The following APMAP variants were observed in gnomAD, a reference collection of about 807,000 sequenced individuals.
The protein encoded by APMAP is adipocyte plasma membrane-associated protein.
APMAP carries 33 observed loss-of-function variants against 43.6 expected under a neutral mutation model. That is an observed-to-expected ratio of 0.76 (90% CI 0.57 to 1.01). The LOEUF (loss-of-function observed/expected upper bound fraction) is 1.01. APMAP is among the 50% of genes least tolerant of loss of function. The pLI is 0.00. For synonymous variants in APMAP, 224 were observed against 216.7 expected (o/e 1.03, Z -0.30); for missense variants, 498 against 540.7 (o/e 0.92, Z 0.78).
chr20:24,968,844 T>G, intron 8 of APMAP, 48 bp downstream of exon 8: 1 of 1,522,286 alleles, frequency 6.6e-7, no homozygotes. Flanking sequence ...AAAATATGAT[T>G]CAATTCATTT....
Position 24,971,671 on chromosome 20 carries a change from A to G in APMAP, c.422-95T>C, listed in dbSNP as rs193275354. 2.0e-5 allele frequency: 20 copies of G among 1,012,472 alleles called. No homozygotes were observed. In the East Asian group the frequency reaches 4.3e-4, roughly 22 times the overall value. 62.7% of individuals were successfully genotyped at this position (1,012,472 alleles called of 1,614,324 possible). On this transcript the variant is annotated intron_variant, in intron 4 of 8. Transcript: ENST00000217456. Reference sequence around the variant, plus strand: ...GCATCTCATCCATCCCTTCCCATACATCATGCTGTACAGAACAAGACAAGA... The same window carrying G: ...GCATCTCATCCATCCCTTCCCATACGTCATGCTGTACAGAACAAGACAAGA...
intron 1 of APMAP, among the ~76,000 whole-genome samples, chr20:24,984,710 G>A (rs1199684582): frequency 6.6e-6 from 1 of 152,156 alleles, no homozygotes; most frequent in Non-Finnish European, 1.5e-5. Flanking sequence ...AGCTTCCCTG[G>A]GAATCCTGGG....
chr20:24,969,478 T>C (rs779703247), intron 7 of APMAP, 48 bp downstream of exon 7: 4 of 1,558,654 alleles, frequency 2.6e-6, no homozygotes, highest in Admixed American at 1.8e-5. Context: ...ACCCCGGCCA[T>C]GATGCGCTCT....
chr20:24,987,710 A>T (rs2088160098), intron 1 of APMAP, among the ~76,000 whole-genome samples: 1 of 152,216 alleles, frequency 6.6e-6, no homozygotes, highest in African/African-American at 2.4e-5. Flanking sequence ...ACTGGCCATT[A>T]TACTAAAAAT....
At chr20:24,976,528 C>T (rs2387572) in intron 3 of APMAP, among the ~76,000 whole-genome samples, 73,908 of 152,012 alleles carry the variant, frequency 0.49, 19,343 homozygotes, top group East Asian at 0.92. Context: ...AAATCCAAAA[C>T]ACTGACACCA....
rs2088204700 is a variant in APMAP, at chr20:24,992,647, C to T, written c.42G>A (p.Arg14=). 6.4e-7 allele frequency: 1 copy of T among 1,564,486 alleles called. No homozygotes were observed. The highest frequency in any genetic ancestry group is 8.6e-7 in the Non-Finnish European group (1 of 1,157,080). ...CATCATCGTCTGTGACGACCTGCGGCCGCAGGGGCCGGCGCTGTCGCAGCC... is the reference window on the plus strand; with the variant it reads ...CATCATCGTCTGTGACGACCTGCGGTCGCAGGGGCCGGCGCTGTCGCAGCC... ...ADGLRQRRPL[R]PQVVTDDDGQ... is the part of the protein sequence containing the mutation. The change falls in exon 1 of 9, where the codon CGG becomes CGA. Residue 14 remains arginine (R), a synonymous_variant. Transcript: ENST00000217456.
At position 24,974,898 on chromosome 20, in the gene APMAP, G is replaced by C. The variant is rs376578847; in HGVS notation, c.329-1161C>G. On this transcript the variant is annotated intron_variant, in intron 3 of 8. Transcript: ENST00000217456. ...AACAGAATCCACTATCACAGTTAGA[G>C]ACTTCAACAATCTAAACAAGAATAA... Among the ~76,000 whole-genome samples, 80 of 152,244 alleles carry C rather than the reference G, an allele frequency of 5.3e-4. 2 individuals carry two copies. The South Asian group carries it at 0.016, about 30-fold the overall frequency.
chr20:24,973,583 A>T (rs2088024104), intron 4 of APMAP, 62 bp downstream of exon 4: 1 of 1,516,996 alleles, frequency 6.6e-7, no homozygotes, highest in African/African-American at 1.4e-5. Flanking sequence ...AGTTCCACAC[A>T]ACGATCCAAC....
chr20:24,971,364 A>T, intron 5 of APMAP, 96 bp downstream of exon 5: 2 of 1,090,792 alleles, frequency 1.8e-6, no homozygotes, highest in African/African-American at 1.6e-5. Context: ...AGTCTTTAGT[A>T]GACTGTTGCT....
chr20:24,974,750 G>A (rs981706051), intron 3 of APMAP, among the ~76,000 whole-genome samples: 6 of 152,216 alleles, frequency 3.9e-5, no homozygotes, highest in Admixed American at 2.6e-4. Context: ...CAGGGATAAA[G>A]AGGAGCATCA....
In APMAP at chr20:24,969,227, G is replaced by A. The variant is rs781144041; in HGVS notation, c.849-143C>T. The A allele has an allele frequency of 2.6e-4, 249 of 972,398 alleles. 1 individual carries two copies. Among genetic ancestry groups the A allele is most frequent in the Admixed American group, 1.4e-3 (46 of 32,118 alleles). The allele number at this position is 972,398 out of a possible 1,614,324, so 60.2% of individuals were successfully genotyped here. A position where few individuals can be genotyped will look rare whatever the true frequency, so the allele number is the denominator to read the frequency against. On this transcript the variant is annotated intron_variant, in intron 7 of 8. Transcript: ENST00000217456. Reference sequence around the variant, plus strand: ...CATCATGAACAAAGGCTCAGCTGCTGAGAAGAAACCTTTGTGCACAGGGCC... The same window carrying A: ...CATCATGAACAAAGGCTCAGCTGCTAAGAAGAAACCTTTGTGCACAGGGCC...
chr20:24,992,127 T>A (rs906784903), intron 1 of APMAP, among the ~76,000 whole-genome samples: 2 of 152,190 alleles, frequency 1.3e-5, no homozygotes, highest in Non-Finnish European at 2.9e-5. Flanking sequence ...GACCCCAGCA[T>A]CTCGTGGGAC....
In APMAP at chr20:24,970,334, A is replaced by G. The variant is rs750005806; in HGVS notation, c.576T>C (p.Ile192=). The change falls in exon 6 of 9, where the codon ATT becomes ATC. Residue 192 remains isoleucine, a synonymous_variant. Transcript: ENST00000217456. ...TCACAAAGGACATGTTCTTCCCCTC[A>G]ATGGGTGTCTCGGAGGACAGCAGCA... ...VKLLLSSETP[I]EGKNMSFVND... is the part of the protein sequence containing the mutation. 2 of 1,613,320 alleles carry G rather than the reference A, an allele frequency of 1.2e-6. No individual in the cohort carries two copies. Among genetic ancestry groups the G allele is most frequent in the Admixed American group, 3.3e-5 (2 of 59,930 alleles).
At chr20:24,986,579 T>C (rs113136783) in intron 1 of APMAP, among the ~76,000 whole-genome samples, 2,646 of 152,286 alleles carry the variant, frequency 0.017, 33 homozygotes, top group Non-Finnish European at 0.023. Flanking sequence ...CGACCTGACA[T>C]GACGGCAGGC....
Position 24,962,942 on chromosome 20 carries a change from A to G in APMAP, c.*871T>C, listed in dbSNP as rs1418764023. The stretch of plus-strand genomic sequence containing the variant: ...CCATCAAAAAAGGTTAATCAGCAGA[A>G]GTCGATTTATCGTTATTTATTATCA... On this transcript the variant is annotated 3_prime_UTR_variant, in exon 9 of 9. Transcript: ENST00000217456. 1.3e-5 allele frequency: 2 copies of G among 152,248 alleles called. No homozygotes were observed. The highest frequency in any genetic ancestry group is 2.9e-5 in the Non-Finnish European group (2 of 68,034). 9.4% of individuals were successfully genotyped at this position (152,248 alleles called of 1,614,324 possible).
chr20:24,968,993 C>T lies in APMAP; in HGVS notation c.940G>A (p.Gly314Arg), dbSNP rs551862951. 13 of 1,614,090 alleles carry T rather than the reference C, an allele frequency of 8.1e-6. No homozygotes were observed. Among genetic ancestry groups the T allele is most frequent in the Admixed American group, 1.7e-5 (1 of 60,018 alleles). The change falls in exon 8 of 9, where the codon GGG (glycine) becomes AGG (arginine). Residue 314 changes from glycine (G) to arginine (R), a missense_variant. Transcript: ENST00000217456. The stretch of plus-strand genomic sequence containing the variant: ...GTCGACATGCCCACCCAGTACCCCC[C>T]AGAGCTGCTGGGCCGGATGTTGTCT... ...FPDNIRPSSS[G>R]GYWVGMSTIR...
chr20:24,982,190 G>A (rs192787573), intron 2 of APMAP, among the ~76,000 whole-genome samples: 95 of 150,740 alleles, frequency 6.3e-4, no homozygotes, highest in African/African-American at 2.1e-3. Flanking sequence ...GAGCCCAGGA[G>A]AGAGAGAGAG....
At chr20:24,974,231 GC>G (rs1294372110) in intron 3 of APMAP, 3 of 152,306 alleles carry the variant, frequency 2.0e-5, no homozygotes, top group Non-Finnish European at 2.9e-5. Context: ...CTACTAGCAT[GC>G]CCCTTGAGCA....
intron 8 of APMAP, among the ~76,000 whole-genome samples, chr20:24,966,176 T>A (rs1253794131): frequency 1.3e-5 from 2 of 152,292 alleles, no homozygotes; most frequent in Non-Finnish European, 2.9e-5. Context: ...CTGGAACGAC[T>A]TATGTGCTGG....
Sources: allele counts gnomAD v4.1 joint callset (sites outside exome capture counted in the v4.1 genomes callset), GRCh38; gene constraint gnomAD v4.1.1; transcripts MANE v1.5; gene names NCBI Gene and HGNC (gene_info 2026-07-23, HGNC 2026-07-21).